Variants in TBC1D22B observed in about 807,000 individuals in gnomAD.
The protein encoded by TBC1D22B is chromosome 6 open reading frame 197.
In TBC1D22B, 32 loss-of-function variants were observed where a neutral mutation model predicts 69.1. The observed-to-expected ratio is 0.46, with a 90% CI of 0.35 to 0.62. The LOEUF is 0.62. TBC1D22B is among the 20% of genes least tolerant of loss of function. The pLI, the probability that TBC1D22B is intolerant of heterozygous loss-of-function variation, is 0.00. For missense variants in TBC1D22B, 462 were observed against 630.9 expected, an observed-to-expected ratio of 0.73 and a Z score of 2.87; for synonymous variants, 206 against 229.8, an observed-to-expected ratio of 0.90 and a Z score of 0.94.
chr6:37,317,327 A>G, intron 12 of TBC1D22B, 121 bp downstream of exon 12: 1 of 982,992 alleles, frequency 1.0e-6, no homozygotes, highest in South Asian at 1.5e-5. Flanking sequence ...AGGAAGGGAG[A>G]AGGGGTGCTC....
chr6:37,325,010 G>A (rs195421), intron 12 of TBC1D22B, among the ~76,000 whole-genome samples: 131,396 of 152,250 alleles, frequency 0.86, 56,759 homozygotes, highest in Middle Eastern at 0.92. Flanking sequence ...AATAAATGCC[G>A]TTATACTGAT....
intron 8 of TBC1D22B, among the ~76,000 whole-genome samples, chr6:37,301,172 A>T (rs1356427244): frequency 6.6e-6 from 1 of 152,198 alleles, no homozygotes; most frequent in Non-Finnish European, 1.5e-5. Flanking sequence ...ACCTTTTATT[A>T]ATACAATTTT....
intron 12 of TBC1D22B, among the ~76,000 whole-genome samples, chr6:37,321,838 A>G (rs980667890): frequency 6.6e-6 from 1 of 152,056 alleles, no homozygotes; most frequent in African/African-American, 2.4e-5. Context: ...GGGGAGGAGC[A>G]TGAGTCTCTG....
rs751571089 is a variant in TBC1D22B at position 37,282,258 on chromosome 6, C to T, written c.495C>T (p.Ala165=). 5 of 1,614,214 alleles carry T rather than the reference C, an allele frequency of 3.1e-6. No homozygotes were observed. The highest frequency in any genetic ancestry group is 4.2e-6 in the Non-Finnish European group (5 of 1,180,034). ...TCCGGCCCATCATCCCCCTCGTTGC[C>T]CGGATCTCGGATCAGAACGCTTCTG... ...LPLRPIIPLV[A]RISDQNASGA... The change falls in exon 4 of 13, where the codon GCC becomes GCT. Residue 165 remains alanine (A), a synonymous_variant. Transcript: ENST00000373491.
chr6:37,297,765 G>C (rs1281329766), intron 8 of TBC1D22B, among the ~76,000 whole-genome samples: 3 of 152,112 alleles, frequency 2.0e-5, no homozygotes, highest in Non-Finnish European at 2.9e-5. Flanking sequence ...TTGCAACACT[G>C]TTCACAATAG....
At chr6:37,274,925 G>A (rs866766839) in intron 2 of TBC1D22B, among the ~76,000 whole-genome samples, 1 of 152,144 alleles carries the variant, frequency 6.6e-6, no homozygotes, top group Non-Finnish European at 1.5e-5. Context: ...AGTGGCATGC[G>A]CCTGTAATCC....
At position 37,283,004 on chromosome 6, in the gene TBC1D22B, G is replaced by C. The variant is rs1583542651; in HGVS notation, c.672+52G>C. 3.9e-6 allele frequency: 6 copies of C among 1,530,804 alleles called. No homozygotes were observed. In the East Asian group the frequency reaches 1.4e-4, roughly 35 times the overall value. 94.8% of individuals were successfully genotyped at this position (1,530,804 alleles called of 1,614,324 possible). A position where few individuals can be genotyped will look rare whatever the true frequency, so the allele number is the denominator to read the frequency against. On this transcript the variant is annotated intron_variant, in intron 5 of 12. Coordinates refer to ENST00000373491, the MANE Select transcript of TBC1D22B (RefSeq NM_017772.4). ...ATGTGAGCCTCACACAGCCCTTCTT[G>C]CCTGATGAGGTTAGTCTGGACACAT...
At chr6:37,262,005 C>A (rs1426966913) in intron 1 of TBC1D22B, among the ~76,000 whole-genome samples, 1 of 126,316 alleles carries the variant, frequency 7.9e-6, no homozygotes, top group African/African-American at 3.0e-5. Flanking sequence ...GTCTAGAGCT[C>A]GGGCACAGGA....
At chr6:37,269,268 C>T (rs1203606839) in intron 1 of TBC1D22B, among the ~76,000 whole-genome samples, 2 of 152,174 alleles carry the variant, frequency 1.3e-5, no homozygotes, top group Middle Eastern at 3.2e-3. Context: ...GCTGGAAGTT[C>T]ATGGTGGTAC....
intron 12 of TBC1D22B, among the ~76,000 whole-genome samples, chr6:37,326,742 C>T (rs1461633132): frequency 4.0e-5 from 6 of 151,622 alleles, no homozygotes; most frequent in Non-Finnish European, 7.4e-5. Context: ...GAGCCAAGAT[C>T]ATGCCACTGC....
chr6:37,294,212 TA>T (rs1767282213), intron 8 of TBC1D22B, among the ~76,000 whole-genome samples: 1 of 152,166 alleles, frequency 6.6e-6, no homozygotes, highest in Non-Finnish European at 1.5e-5. Context: ...TAAATTTAAT[TA>T]TTTTTTTAAG....
chr6:37,273,364 G>A (rs546528477), intron 2 of TBC1D22B, among the ~76,000 whole-genome samples: 3 of 152,246 alleles, frequency 2.0e-5, no homozygotes, highest in Non-Finnish European at 2.9e-5. Flanking sequence ...TGACAAACAC[G>A]TGGCTAACCT....
intron 8 of TBC1D22B, among the ~76,000 whole-genome samples, chr6:37,294,447 C>T (rs1258739306): frequency 6.6e-6 from 1 of 152,082 alleles, no homozygotes; most frequent in Non-Finnish European, 1.5e-5. Context: ...GTTGGGATTA[C>T]AAGTACGTAG....
At chr6:37,281,807 AGG>A (rs1286908161) in intron 3 of TBC1D22B, among the ~76,000 whole-genome samples, 6 of 152,238 alleles carry the variant, frequency 3.9e-5, no homozygotes, top group African/African-American at 1.4e-4. Flanking sequence ...GTTCCAAGTT[AGG>A]GTAGAAAGAA....
At chr6:37,271,984 T>C (rs554802820) in intron 2 of TBC1D22B, among the ~76,000 whole-genome samples, 1 of 152,246 alleles carries the variant, frequency 6.6e-6, no homozygotes, top group South Asian at 2.1e-4. Flanking sequence ...TGAGTAAATA[T>C]TTATTGAATG....
chr6:37,327,168 T>C (rs542397166), intron 12 of TBC1D22B, among the ~76,000 whole-genome samples: 1 of 152,138 alleles, frequency 6.6e-6, no homozygotes, highest in Admixed American at 6.5e-5. Flanking sequence ...TGGTCCAAGG[T>C]CAACATTTTA....
At chr6:37,282,742 G>A in intron 4 of TBC1D22B, 140 bp from the exon 5 acceptor site, 1 of 814,118 alleles carries the variant, frequency 1.2e-6, no homozygotes, top group Non-Finnish European at 2.0e-6. Context: ...GGCTGTTTTG[G>A]GCTTTTCACT....
chr6:37,291,416 CTGTT>C (rs968717424), intron 8 of TBC1D22B, 59 bp downstream of exon 8: 166 of 1,287,614 alleles, frequency 1.3e-4, no homozygotes, highest in Non-Finnish European at 1.7e-4. Flanking sequence ...TGCCGTCTGT[CTGTT>C]TGTTTTTCCC....
chr6:37,287,063 T>C lies in TBC1D22B; in HGVS notation c.858T>C (p.Leu286=). The part of the protein sequence containing the change: ...NPLIPLFQQP[L]VQEIFERILF... Reference sequence around the variant, plus strand: ...TCATTCCGTTGTTCCAGCAACCACTTGTACAGGAGGTGAGGGAATTACTTA... The same window carrying C: ...TCATTCCGTTGTTCCAGCAACCACTCGTACAGGAGGTGAGGGAATTACTTA... Residue 286 remains leucine, a synonymous_variant, in exon 7 of 13, where the codon CTT becomes CTC. Transcript: ENST00000373491. 2 of 1,603,846 alleles carry C rather than the reference T, an allele frequency of 1.2e-6. No homozygotes were observed. Among genetic ancestry groups the C allele is most frequent in the African/African-American group, 1.3e-5 (1 of 74,206 alleles).
Sources: allele counts gnomAD v4.1 joint callset (sites outside exome capture counted in the v4.1 genomes callset), GRCh38; gene constraint gnomAD v4.1.1; transcripts MANE v1.5; gene names NCBI Gene and HGNC (gene_info 2026-07-23, HGNC 2026-07-21).